MED13L: variants seen among roughly 807,000 people sequenced by gnomAD.
MED13L encodes mediator of RNA polymerase II transcription subunit 13-like.
A neutral mutation model predicts 220.9 loss-of-function variants in MED13L; 7 were observed. The observed-to-expected ratio is 0.03, with a 90% confidence interval of 0.02 to 0.06. The LOEUF (loss-of-function observed/expected upper bound fraction) is 0.06. Among genes scored for constraint, MED13L ranks in the 10% least tolerant of loss-of-function variants. The pLI is 1.00. For missense variants in MED13L, 1,965 were observed against 2,760.5 expected (o/e 0.71, Z 6.46); for synonymous variants, 1,011 against 1,015.2 (o/e 1.00, Z 0.08).
chr12:115,977,708 C>T (rs1375404423), intron 23 of MED13L, among the ~76,000 whole-genome samples: 1 of 152,134 alleles, frequency 6.6e-6, no homozygotes, highest in African/African-American at 2.4e-5. Flanking sequence ...CATAAAAGAT[C>T]GCATATGGCC....
chr12:116,024,773 C>CGGGG (rs796599611), intron 4 of MED13L, among the ~76,000 whole-genome samples: 12 of 5,098 alleles, frequency 2.4e-3, no homozygotes, highest in East Asian at 4.1e-3. Flanking sequence ...TTTGGCGGGG[C>CGGGG]GGGGGGGGGG....
intron 4 of MED13L, among the ~76,000 whole-genome samples, chr12:116,053,639 A>T (rs1868696501): frequency 6.6e-6 from 1 of 152,172 alleles, no homozygotes; most frequent in Non-Finnish European, 1.5e-5. Flanking sequence ...AGAAGGGAGG[A>T]AGGGGAGGGA....
Position 116,070,686 on chromosome 12 carries a change from C to T in MED13L, c.479+25983G>A, listed in dbSNP as rs565880707. ...TACAAGCATGCCGCACCCTAGAGGCCCTTAAAGATGGTCTTGATTGAGACA... is the reference window on the plus strand; with the variant it reads ...TACAAGCATGCCGCACCCTAGAGGCTCTTAAAGATGGTCTTGATTGAGACA... On this transcript the variant is annotated intron_variant, in intron 4 of 30. Coordinates refer to ENST00000281928, the MANE Select transcript of MED13L (RefSeq NM_015335.5). Among the ~76,000 whole-genome samples, 4 of 152,150 alleles carry T rather than the reference C, an allele frequency of 2.6e-5. No homozygotes were observed. The East Asian group carries it at 7.7e-4, about 29-fold the overall frequency.
chr12:116,259,638 C>A (rs1484741746), intron 1 of MED13L, among the ~76,000 whole-genome samples: 1 of 151,980 alleles, frequency 6.6e-6, no homozygotes, highest in South Asian at 2.1e-4. Context: ...TTCATTGTAC[C>A]ATGAATCTTT....
At chr12:116,257,146 T>C (rs1435201336) in intron 1 of MED13L, among the ~76,000 whole-genome samples, 1 of 152,230 alleles carries the variant, frequency 6.6e-6, no homozygotes. Flanking sequence ...AAGAGAATTC[T>C]TGTGAAATTT....
At chr12:116,081,467 AT>A (rs1348810858) in intron 4 of MED13L, among the ~76,000 whole-genome samples, 1 of 152,200 alleles carries the variant, frequency 6.6e-6, no homozygotes, top group African/African-American at 2.4e-5. Flanking sequence ...ATAAGAATAC[AT>A]ATAGCATAAA....
chr12:116,039,833 G>A (rs1172011645), intron 4 of MED13L, among the ~76,000 whole-genome samples: 5 of 151,978 alleles, frequency 3.3e-5, no homozygotes, highest in Non-Finnish European at 7.4e-5. Flanking sequence ...CCATGAAGGC[G>A]GTAAGACACA....
At chr12:116,179,712 A>T (rs1179215246) in intron 2 of MED13L, among the ~76,000 whole-genome samples, 1 of 151,964 alleles carries the variant, frequency 6.6e-6, no homozygotes. Flanking sequence ...AAAGGTTACA[A>T]GAGAAAAGAA....
intron 1 of MED13L, chr12:116,276,489 A>G: frequency 7.8e-7 from 1 of 1,288,098 alleles, no homozygotes; most frequent in Middle Eastern, 2.1e-4. Context: ...CCCGAGAGGC[A>G]GGCGGCTGTC....
chr12:116,104,182 G>T (rs1412809320), intron 3 of MED13L, among the ~76,000 whole-genome samples: 2 of 151,410 alleles, frequency 1.3e-5, no homozygotes, highest in African/African-American at 2.4e-5. Flanking sequence ...GTCTAATTTT[G>T]CATTTTTAGT....
intron 3 of MED13L, 83 bp from the exon 4 acceptor site, chr12:116,096,835 T>C: frequency 3.1e-6 from 3 of 953,040 alleles, no homozygotes; most frequent in Admixed American, 1.8e-5. Flanking sequence ...AGATGAGATA[T>C]ATCACCAAAA....
intron 1 of MED13L, among the ~76,000 whole-genome samples, chr12:116,267,876 T>G (rs578158686): frequency 2.0e-5 from 3 of 152,324 alleles, no homozygotes; most frequent in Admixed American, 2.0e-4. Context: ...ACATGTCTCA[T>G]GATCAGTTGG....
Position 115,975,760 on chromosome 12 carries a change from A to T in MED13L, c.5365-22T>A, listed in dbSNP as rs374679380. The T allele has an allele frequency of 4.2e-5, 68 of 1,600,834 alleles. No individual in the cohort carries two copies. In the African/African-American group the frequency reaches 7.5e-4, roughly 18 times the overall value. ...GCCGCTGAAATCAAAACCAAAATCA[A>T]TATCAGTACAAAGCCATACAACTTA... On this transcript the variant is annotated intron_variant, in intron 23 of 30. Transcript: ENST00000281928.
At chr12:116,191,572 C>T (rs1345973902) in intron 2 of MED13L, among the ~76,000 whole-genome samples, 1 of 152,090 alleles carries the variant, frequency 6.6e-6, no homozygotes, top group African/African-American at 2.4e-5. Flanking sequence ...TCAAGCAATC[C>T]ACCCACCTCA....
intron 2 of MED13L, among the ~76,000 whole-genome samples, chr12:116,190,715 T>A (rs780808032): frequency 5.3e-5 from 8 of 152,174 alleles, no homozygotes; most frequent in African/African-American, 1.7e-4. Flanking sequence ...AGTACTTTTT[T>A]AAAAACATGT....
intron 4 of MED13L, among the ~76,000 whole-genome samples, chr12:116,090,181 A>G (rs1051264157): frequency 2.0e-5 from 3 of 152,206 alleles, no homozygotes; most frequent in Non-Finnish European, 2.9e-5. Context: ...TGAAGCTTCA[A>G]CTGACTTTGT....
intron 7 of MED13L, among the ~76,000 whole-genome samples, 162 bp downstream of exon 7, chr12:116,019,058 CTGTT>C (rs935309072): frequency 8.5e-5 from 13 of 152,080 alleles, no homozygotes; most frequent in Non-Finnish European, 1.6e-4. Flanking sequence ...TGTATGAATT[CTGTT>C]TGTTTATAGT....
In MED13L at chr12:115,961,154, T is replaced by A. The variant is rs1466015859; in HGVS notation, c.*112A>T. On this transcript the variant is annotated 3_prime_UTR_variant, in exon 31 of 31. Transcript: ENST00000281928. ...GAGAAGGAATCACAGTGCAGGACTG[T>A]GGAGAGTGGTCTGAAGAAAAGGATG... 2 of 1,372,024 alleles carry A rather than the reference T, an allele frequency of 1.5e-6. No individual in the cohort carries two copies. The highest frequency in any genetic ancestry group is 1.0e-6 in the Non-Finnish European group (1 of 967,810). 85.0% of individuals were successfully genotyped at this position (1,372,024 alleles called of 1,614,324 possible). A position where few individuals can be genotyped will look rare whatever the true frequency, so the allele number is the denominator to read the frequency against.
At chr12:116,031,751 AAAAGAAAAGAAGG>A (rs1880829679) in intron 4 of MED13L, among the ~76,000 whole-genome samples, 1 of 31,946 alleles carries the variant, frequency 3.1e-5, no homozygotes, top group African/African-American at 2.5e-4. Context: ...AAAAGAAAAG[AAAAGAAAAGAAGG>A]AAGGAAGGAA....
Sources: gnomAD v4.1 joint callset for allele counts (sites outside exome capture counted in the v4.1 genomes callset) on GRCh38, gnomAD v4.1.1 for gene constraint, MANE v1.5 for transcripts, NCBI Gene and HGNC (gene_info 2026-07-23, HGNC 2026-07-21) for gene names.